NBAS: variants seen among roughly 807,000 people sequenced by gnomAD.
The protein encoded by NBAS is NAG/BC035112 fusion.
In NBAS, 219 loss-of-function variants were observed where a neutral mutation model predicts 302.5. The ratio of observed to expected loss-of-function variants is 0.72; its 90% confidence interval spans 0.65 to 0.81. The LOEUF is 0.81. Ranked by LOEUF, NBAS falls within the 30% of genes least tolerant of loss-of-function variation. The pLI is 0.00. For synonymous variants in NBAS, 1,118 were observed against 1,021.6 expected, an observed-to-expected ratio of 1.09 and a Z score of -1.80; for missense variants, 2,932 against 2,841.6, an observed-to-expected ratio of 1.03 and a Z score of -0.72.
the NBAS span, among the ~76,000 whole-genome samples, chr2:14,794,730 A>G: frequency 6.6e-6 from 1 of 152,172 alleles, no homozygotes; most frequent in Non-Finnish European, 1.5e-5. Flanking sequence ...AAATTTCCTC[A>G]TGCCCCAATG....
Position 15,379,690 on chromosome 2 carries a change from C to G in NBAS, c.3502G>C (p.Glu1168Gln). The G allele has an allele frequency of 1.2e-6, 2 of 1,614,014 alleles. No individual in the cohort carries two copies. Among genetic ancestry groups the G allele is most frequent in the South Asian group, 2.2e-5 (2 of 91,084 alleles). Residue 1168 changes from glutamate to glutamine, a missense_variant, in exon 30 of 52, where the codon GAA becomes CAA. Physicochemically the swap from Glu to Gln is conservative, Grantham distance 29. Coordinates refer to ENST00000281513, the MANE Select transcript of NBAS (RefSeq NM_015909.4). ...KGKPHYRVSY[E>Q]KSIDLVLAAS... ...GCCAAAACCAAGTCAATACTCTTTT[C>G]GTAGCTGACCCTGTAGTGGGGTTTC...
At chr2:15,145,332 C>T in the NBAS span, among the ~76,000 whole-genome samples, 1 of 151,536 alleles carries the variant, frequency 6.6e-6, no homozygotes, top group African/African-American at 2.4e-5. Flanking sequence ...CTTAAAGAAC[C>T]CAAGGATGTT....
the NBAS span, among the ~76,000 whole-genome samples, chr2:14,864,390 A>G: frequency 2.0e-5 from 3 of 152,080 alleles, no homozygotes; most frequent in Non-Finnish European, 4.4e-5. Flanking sequence ...AAGACTATTC[A>G]TACTATTCAT....
chr2:14,992,163 C>A, the NBAS span, among the ~76,000 whole-genome samples: 2 of 152,258 alleles, frequency 1.3e-5, no homozygotes, highest in Admixed American at 1.3e-4. Context: ...TGTGAAAATG[C>A]TCTAAAAACT....
chr2:15,416,813 G>GAAAAAAAA (rs199927157), intron 24 of NBAS, among the ~76,000 whole-genome samples: 2 of 74,950 alleles, frequency 2.7e-5, no homozygotes, highest in African/African-American at 8.9e-5. Context: ...CTGAAAAAAA[G>GAAAAAAAA]AAAAAAAAAA....
chr2:15,440,522 C>A (rs1053040151), intron 21 of NBAS, among the ~76,000 whole-genome samples: 9 of 152,128 alleles, frequency 5.9e-5, no homozygotes, highest in Non-Finnish European at 1.0e-4. Flanking sequence ...TCACCATCAT[C>A]AAAGGCCAAA....
At chr2:15,433,474 T>C (rs926624176) in intron 21 of NBAS, among the ~76,000 whole-genome samples, 10 of 152,204 alleles carry the variant, frequency 6.6e-5, no homozygotes, top group Non-Finnish European at 1.0e-4. Flanking sequence ...CATTTCAAGA[T>C]CTACTTTATG....
At chr2:15,016,198 A>G in the NBAS span, among the ~76,000 whole-genome samples, 1 of 152,190 alleles carries the variant, frequency 6.6e-6, no homozygotes, top group East Asian at 1.9e-4. Context: ...CACATCTTAC[A>G]TGGCAGCAGG....
the NBAS span, among the ~76,000 whole-genome samples, chr2:15,158,808 A>C: frequency 6.6e-6 from 1 of 151,796 alleles, no homozygotes; most frequent in South Asian, 2.1e-4. Context: ...CTGGAGGGGG[A>C]GACTGAAACC....
At chr2:15,217,258 C>G (rs989813167) in intron 48 of NBAS, among the ~76,000 whole-genome samples, 1 of 152,216 alleles carries the variant, frequency 6.6e-6, no homozygotes, top group Non-Finnish European at 1.5e-5. Context: ...GACTTTTAAA[C>G]TACAATCCAC....
chr2:14,782,959 G>A, the NBAS span, among the ~76,000 whole-genome samples: 1 of 152,208 alleles, frequency 6.6e-6, no homozygotes, highest in South Asian at 2.1e-4. Context: ...CCTCCTTGAG[G>A]GTGGAAGGTG....
chr2:15,031,214 G>T, the NBAS span, among the ~76,000 whole-genome samples: 65 of 152,168 alleles, frequency 4.3e-4, no homozygotes, highest in Non-Finnish European at 4.1e-4. Flanking sequence ...AGCTACAAGG[G>T]TTATCAGCAA....
chr2:14,896,427 T>C, the NBAS span, among the ~76,000 whole-genome samples: 3 of 152,196 alleles, frequency 2.0e-5, no homozygotes, highest in Admixed American at 2.0e-4. Context: ...ATTTAATTTT[T>C]CCCTTAGTCA....
rs115144056 is a variant in NBAS, at chr2:15,402,831, A to G, written c.2938-530T>C. On this transcript the variant is annotated intron_variant, in intron 25 of 51. Coordinates refer to ENST00000281513, the MANE Select transcript of NBAS (RefSeq NM_015909.4). ...AACACATTCCATATTTCTGATGAAGAAAGATGGCTACTTAGGGTGACTTTC... is the reference window on the plus strand; with the variant it reads ...AACACATTCCATATTTCTGATGAAGGAAGATGGCTACTTAGGGTGACTTTC... Among the ~76,000 whole-genome samples the G allele has an allele frequency of 6.8e-3, 1,029 of 152,320 alleles. 12 individuals carry two copies. The highest frequency in any genetic ancestry group is 0.022 in the African/African-American group (928 of 41,586).
At chr2:15,400,681 C>G (rs1029651807) in intron 26 of NBAS, among the ~76,000 whole-genome samples, 2 of 152,152 alleles carry the variant, frequency 1.3e-5, no homozygotes, top group South Asian at 2.1e-4. Context: ...ATTACTAATA[C>G]CAGTCTTAGA....
At chr2:15,421,024 T>C (rs2148471278) in intron 23 of NBAS, among the ~76,000 whole-genome samples, 1 of 152,110 alleles carries the variant, frequency 6.6e-6, no homozygotes, top group East Asian at 1.9e-4. Context: ...TGAGGCAAAA[T>C]ATGGGGGCTC....
intron 49 of NBAS, among the ~76,000 whole-genome samples, chr2:15,189,507 C>G (rs1263543291): frequency 6.6e-6 from 1 of 152,130 alleles, no homozygotes; most frequent in African/African-American, 2.4e-5. Flanking sequence ...CAGGCACTTG[C>G]GACAAGGGCA....
the NBAS span, among the ~76,000 whole-genome samples, chr2:14,901,848 T>C: frequency 1.3e-5 from 2 of 152,076 alleles, no homozygotes; most frequent in African/African-American, 2.4e-5. Context: ...AAAGACTAAA[T>C]GTGCTGTGGA....
the NBAS span, among the ~76,000 whole-genome samples, chr2:14,819,816 G>A: frequency 6.6e-6 from 1 of 152,056 alleles, no homozygotes; most frequent in African/African-American, 2.4e-5. Flanking sequence ...AACTCTATAG[G>A]AAAAAATCTA....
Sources: gnomAD v4.1 joint callset for allele counts (sites outside exome capture counted in the v4.1 genomes callset) on GRCh38, gnomAD v4.1.1 for gene constraint, MANE v1.5 for transcripts, NCBI Gene and HGNC (gene_info 2026-07-23, HGNC 2026-07-21) for gene names.